Variants in HMGB1 observed in about 807,000 individuals in gnomAD.
The protein encoded by HMGB1 is high mobility group protein B1.
For missense variants in HMGB1, 79 were observed against 253.5 expected (o/e 0.31, Z 4.67); for synonymous variants, 81 against 84.0 (o/e 0.96, Z 0.19).
rs1886322856 is a variant in HMGB1 at position 30,461,399 on chromosome 13, A to G, written c.606T>C (p.Asp202=). The G allele has an allele frequency of 1.3e-6, 2 of 1,573,450 alleles. No individual in the cohort carries two copies. Among genetic ancestry groups the G allele is most frequent in the South Asian group, 1.2e-5 (1 of 84,700 alleles). Residue 202 remains aspartate, a synonymous_variant, in exon 5 of 5, where the codon GAT becomes GAC. Coordinates refer to ENST00000341423, the MANE Select transcript of HMGB1 (RefSeq NM_002128.7). ...EDEEDEEEEE[D]EEDEDEEEDD... is the part of the protein sequence containing the mutation. ...CTTCTTCTTCATCTTCATCTTCTTC[A>G]TCTTCCTCCTCCTCCTCATCCTCTT...
intron 1 of HMGB1, among the ~76,000 whole-genome samples, chr13:30,531,509 CGTGTGTGTGTGTGTGT>C (rs376387192): frequency 5.8e-4 from 79 of 135,664 alleles, no homozygotes; most frequent in South Asian, 2.3e-3. Context: ...GTAACATATA[CGTGTGTGTGTGTGTGT>C]GTGTGTGTGT....
intron 1 of HMGB1, among the ~76,000 whole-genome samples, chr13:30,473,897 A>T (rs1887006175): frequency 6.6e-6 from 1 of 152,260 alleles, no homozygotes; most frequent in Admixed American, 6.5e-5. Context: ...TGGTATATCC[A>T]TACACATACA....
chr13:30,460,031 C>CT lies in HMGB1; in HGVS notation c.*1325dup, dbSNP rs555074578. The CT allele has an allele frequency of 2.5e-3, 378 of 152,682 alleles. 1 individual carries two copies. Among genetic ancestry groups the CT allele is most frequent in the African/African-American group, 8.8e-3 (367 of 41,572 alleles). The allele number at this position is 152,682 out of a possible 1,614,324, so 9.5% of individuals were successfully genotyped here. ...AGAACGCTATTTTAAAATACTGGCACTTTAAGAAAACGATAATCTCGAAAA... is the reference window on the plus strand; with the variant it reads ...AGAACGCTATTTTAAAATACTGGCACTTTTAAGAAAACGATAATCTCGAAAA... On this transcript the variant is annotated 3_prime_UTR_variant, in exon 5 of 5. Coordinates refer to ENST00000341423, the MANE Select transcript of HMGB1 (RefSeq NM_002128.7).
At chr13:30,492,476 A>G (rs1887518867) in intron 1 of HMGB1, among the ~76,000 whole-genome samples, 1 of 152,240 alleles carries the variant, frequency 6.6e-6, no homozygotes. Context: ...CAGTAGGCAA[A>G]AGACAAACAA....
intron 1 of HMGB1, among the ~76,000 whole-genome samples, chr13:30,602,530 T>C (rs1015212754): frequency 2.2e-4 from 33 of 152,262 alleles, no homozygotes; most frequent in Admixed American, 2.0e-3. Flanking sequence ...AAAAACTTCA[T>C]ACTTTAAAAG....
intron 1 of HMGB1, among the ~76,000 whole-genome samples, chr13:30,505,200 C>T (rs112941571): frequency 1.0e-3 from 149 of 149,112 alleles, no homozygotes; most frequent in Non-Finnish European, 1.9e-3. Context: ...TTGTTTGAGA[C>T]GGAGTCTTGC....
intron 1 of HMGB1, among the ~76,000 whole-genome samples, chr13:30,499,184 C>T (rs1427964807): frequency 6.6e-6 from 1 of 152,118 alleles, no homozygotes; most frequent in East Asian, 1.9e-4. Context: ...AACTCCTGAC[C>T]TCAGGTGATC....
chr13:30,544,581 AG>A (rs1157690543), intron 1 of HMGB1, among the ~76,000 whole-genome samples: 1 of 152,180 alleles, frequency 6.6e-6, no homozygotes, highest in African/African-American at 2.4e-5. Flanking sequence ...GAAAACGTGG[AG>A]GTTCCTGGAA....
intron 1 of HMGB1, among the ~76,000 whole-genome samples, chr13:30,506,860 G>T (rs1181745880): frequency 1.3e-5 from 2 of 152,114 alleles, no homozygotes; most frequent in Non-Finnish European, 2.9e-5. Context: ...GGCAGAGGCT[G>T]TCTTATTTCT....
intron 1 of HMGB1, among the ~76,000 whole-genome samples, chr13:30,556,936 G>A (rs1869717999): frequency 6.6e-6 from 1 of 152,030 alleles, no homozygotes; most frequent in East Asian, 1.9e-4. Context: ...CATATGAGAT[G>A]GTGGATGTGC....
At position 30,487,658 on chromosome 13, in the gene HMGB1, G is replaced by A. The variant is rs147888480; in HGVS notation, c.-14-23964C>T. On this transcript the variant is annotated intron_variant, in intron 1 of 4. Transcript: ENST00000405805. ...CCCCTTTTTCTTTCAAAAAGCTGCC[G>A]TATCTATTTTATTTTACGGGCTAAA... 3.2e-4 allele frequency among the ~76,000 whole-genome samples: 48 copies of A among 152,008 alleles called. No homozygotes were observed. The East Asian group carries it at 8.1e-3, about 26-fold the overall frequency.
intron 1 of HMGB1, among the ~76,000 whole-genome samples, chr13:30,535,981 T>C (rs933998669): frequency 1.3e-5 from 2 of 152,220 alleles, no homozygotes; most frequent in African/African-American, 4.8e-5. Flanking sequence ...TCAAGTAATC[T>C]AAGTCCATTT....
At chr13:30,606,878 T>C (rs1283475839) in intron 1 of HMGB1, among the ~76,000 whole-genome samples, 1 of 152,246 alleles carries the variant, frequency 6.6e-6, no homozygotes, top group Non-Finnish European at 1.5e-5. Flanking sequence ...TTCTGTTGTG[T>C]TGAATAGCTA....
chr13:30,568,130 C>G (rs1288245662), intron 1 of HMGB1, among the ~76,000 whole-genome samples: 1 of 152,146 alleles, frequency 6.6e-6, no homozygotes, highest in Admixed American at 6.5e-5. Context: ...TTCTCTCTTA[C>G]CTAGTGTGTA....
intron 1 of HMGB1, among the ~76,000 whole-genome samples, chr13:30,521,921 T>C (rs952792066): frequency 6.6e-6 from 1 of 152,174 alleles, no homozygotes; most frequent in African/African-American, 2.4e-5. Flanking sequence ...TTAGTGGGTG[T>C]GAACTTATAA....
At chr13:30,515,594 T>A (rs1888085054) in intron 1 of HMGB1, among the ~76,000 whole-genome samples, 1 of 152,140 alleles carries the variant, frequency 6.6e-6, no homozygotes, top group East Asian at 1.9e-4. Flanking sequence ...CCAGCTGGCC[T>A]TTTCTGCCTA....
At chr13:30,487,285 C>T (rs1887386170) in intron 1 of HMGB1, among the ~76,000 whole-genome samples, 1 of 152,232 alleles carries the variant, frequency 6.6e-6, no homozygotes. Context: ...GAGCACTGCA[C>T]CTAGTGAGTT....
At chr13:30,471,186 G>A (rs541193566) in intron 1 of HMGB1, among the ~76,000 whole-genome samples, 69 of 151,576 alleles carry the variant, frequency 4.6e-4, no homozygotes, top group South Asian at 8.3e-4. Context: ...TGGACAGGCC[G>A]GTCTTGAACT....
chr13:30,527,931 A>G (rs989683511), intron 1 of HMGB1, among the ~76,000 whole-genome samples: 1 of 152,192 alleles, frequency 6.6e-6, no homozygotes, highest in Non-Finnish European at 1.5e-5. Flanking sequence ...CTCTTTTAAA[A>G]TTGAAATTTT....
Sources: allele counts gnomAD v4.1 joint callset (sites outside exome capture counted in the v4.1 genomes callset), GRCh38; gene constraint gnomAD v4.1.1; transcripts MANE v1.5; gene names NCBI Gene and HGNC (gene_info 2026-07-23, HGNC 2026-07-21).